Variants in TTC7A observed in about 807,000 individuals in gnomAD.
TTC7A encodes the protein tetratricopeptide repeat protein 7A.
A neutral mutation model predicts 103.7 loss-of-function variants in TTC7A; 110 were observed. The ratio of observed to expected loss-of-function variants is 1.06; its 90% confidence interval spans 0.91 to 1.24. TTC7A has a LOEUF of 1.24. TTC7A is among the 50% of genes most tolerant of loss of function. The probability of loss-of-function intolerance (pLI) is 0.00; values close to 1 mark genes in which losing one functional copy is unlikely to be tolerated. For missense variants in TTC7A, 1,340 were observed against 1,116.3 expected (o/e 1.20, Z -2.86); for synonymous variants, 521 against 467.9 (o/e 1.11, Z -1.47).
At chr2:47,038,024 G>A (rs1681302041) in intron 15 of TTC7A, among the ~76,000 whole-genome samples, 2 of 152,108 alleles carry the variant, frequency 1.3e-5, no homozygotes, top group African/African-American at 4.8e-5. Flanking sequence ...GCCGAGGCGG[G>A]CGGATCATTT....
chr2:47,075,815 G>A lies in TTC7A; in HGVS notation c.*1892G>A, dbSNP rs1481068756. ...GGAGAGGGTAGGAGGAGGCAAGAGGGGTCCAGGCAGGGCTGATCCTGGCCT... is the reference window on the plus strand; with the variant it reads ...GGAGAGGGTAGGAGGAGGCAAGAGGAGTCCAGGCAGGGCTGATCCTGGCCT... On this transcript the variant is annotated 3_prime_UTR_variant, in exon 20 of 20. Coordinates refer to ENST00000319190, the MANE Select transcript of TTC7A (RefSeq NM_020458.4). The A allele has an allele frequency of 6.6e-6, 1 of 152,414 alleles. No individual in the cohort carries two copies. The highest frequency in any genetic ancestry group is 2.4e-5 in the African/African-American group (1 of 41,440). The allele number at this position is 152,414 out of a possible 1,614,324, so 9.4% of individuals were successfully genotyped here. A position where few individuals can be genotyped will look rare whatever the true frequency, so the allele number is the denominator to read the frequency against.
rs1255486519 is a variant in TTC7A, at chr2:47,007,076, T to A, written c.1287+352T>A. The stretch of plus-strand genomic sequence containing the variant: ...TGAGTGAACATTGTTCCACGTGGGC[T>A]GTAGTTCTCATCCTGTCCACTGAGC... On this transcript the variant is annotated intron_variant, in intron 10 of 19. Coordinates refer to ENST00000319190, the MANE Select transcript of TTC7A (RefSeq NM_020458.4). The surrounding 1 kb of genome is among the most constrained non-coding windows in gnomAD (Gnocchi z 4.9). Among the ~76,000 whole-genome samples, 2 of 152,178 alleles carry A rather than the reference T, an allele frequency of 1.3e-5. No homozygotes were observed. Among genetic ancestry groups the A allele is most frequent in the Non-Finnish European group, 2.9e-5 (2 of 68,018 alleles).
Position 46,995,189 on chromosome 2 carries a change from G to A in TTC7A, c.1055G>A (p.Ser352Asn). 1 of 1,614,134 alleles carries A rather than the reference G, an allele frequency of 6.2e-7. No individual in the cohort carries two copies. The highest frequency in any genetic ancestry group is 8.5e-7 in the Non-Finnish European group (1 of 1,180,008). ...IEEALLLLLI[S>N]ESMATRDVVL... is the part of the protein sequence containing the mutation. ...GAAGCCCTCCTGCTCCTCCTCATCAGCGAATCCATGGTAAGCTCCAGGATG... is the reference window on the plus strand; with the variant it reads ...GAAGCCCTCCTGCTCCTCCTCATCAACGAATCCATGGTAAGCTCCAGGATG... Residue 352 changes from serine to asparagine, a missense_variant, in exon 8 of 20, where the codon AGC becomes AAC. Coordinates refer to ENST00000319190, the MANE Select transcript of TTC7A (RefSeq NM_020458.4).
At chr2:47,034,460 A>G (rs758597810) in intron 15 of TTC7A, 1 of 152,202 alleles carries the variant, frequency 6.6e-6, no homozygotes, top group Non-Finnish European at 1.5e-5. Flanking sequence ...GGAATGGGCC[A>G]CTGATAAGCG....
chr2:47,072,425 C>T (rs1282192180), intron 19 of TTC7A, among the ~76,000 whole-genome samples: 2 of 152,218 alleles, frequency 1.3e-5, no homozygotes, highest in Admixed American at 1.3e-4. Context: ...TTCCTGAGCG[C>T]CATCTTTCAC....
intron 2 of TTC7A, among the ~76,000 whole-genome samples, chr2:46,952,304 G>A (rs952275575): frequency 6.6e-6 from 1 of 151,442 alleles, no homozygotes; most frequent in African/African-American, 2.4e-5. Context: ...CAGATTGGTG[G>A]GGTTCAAGCT....
intron 16 of TTC7A, chr2:47,047,254 G>T: frequency 6.5e-7 from 1 of 1,528,734 alleles, no homozygotes; most frequent in Non-Finnish European, 8.9e-7. Flanking sequence ...GTGTATATTT[G>T]TGTTTTCACA....
chr2:47,010,778 C>A (rs1677960111), intron 10 of TTC7A, among the ~76,000 whole-genome samples: 1 of 152,206 alleles, frequency 6.6e-6, no homozygotes, highest in Admixed American at 6.5e-5. Context: ...CGGCTCACTG[C>A]AACTTCCACC....
intron 19 of TTC7A, chr2:47,068,747 C>T (rs990194066): frequency 1.3e-5 from 2 of 151,120 alleles, no homozygotes; most frequent in African/African-American, 4.9e-5. Flanking sequence ...AAACCTTAAG[C>T]TGATATAGGC....
intron 2 of TTC7A, chr2:46,917,360 T>G (rs1348372574): frequency 5.0e-6 from 3 of 595,578 alleles, no homozygotes; most frequent in Non-Finnish European, 8.9e-6. Flanking sequence ...TTCCTTACTC[T>G]GAACTTTGGA....
chr2:47,020,407 T>G (rs951562569), intron 11 of TTC7A, among the ~76,000 whole-genome samples: 2 of 152,328 alleles, frequency 1.3e-5, no homozygotes, highest in Non-Finnish European at 2.9e-5. Context: ...GAGGCTGAGC[T>G]GTAGACAGCT....
intron 2 of TTC7A, among the ~76,000 whole-genome samples, chr2:46,917,550 G>C (rs1668876125): frequency 6.6e-6 from 1 of 152,204 alleles, no homozygotes; most frequent in Non-Finnish European, 1.5e-5. Context: ...GAAGTGTCAA[G>C]AAGCTGGTGT....
chr2:47,059,074 C>T (rs1182707962), intron 18 of TTC7A, among the ~76,000 whole-genome samples: 2 of 131,098 alleles, frequency 1.5e-5, no homozygotes, highest in Non-Finnish European at 3.1e-5. Flanking sequence ...CAGGCTGGAG[C>T]ACAGTGGCGC....
intron 17 of TTC7A, 50 bp from the exon 18 acceptor site, chr2:47,051,696 A>G (rs1338831281): frequency 3.8e-6 from 6 of 1,558,452 alleles, no homozygotes; most frequent in East Asian, 2.3e-5. Context: ...TGGGGCCTGC[A>G]ACGTGTGGAC....
intron 17 of TTC7A, among the ~76,000 whole-genome samples, chr2:47,051,317 C>A (rs1682837348): frequency 6.6e-6 from 1 of 152,188 alleles, no homozygotes; most frequent in South Asian, 2.1e-4. Flanking sequence ...TTTCACCTAA[C>A]TATATAGTGC....
At chr2:46,974,748 G>T (rs1673688139) in intron 3 of TTC7A, 2 of 619,882 alleles carry the variant, frequency 3.2e-6, no homozygotes, top group Admixed American at 4.4e-5. Flanking sequence ...GTTGGGCTGG[G>T]GTGATGCACT....
At chr2:46,922,740 C>A (rs1200513358) in intron 2 of TTC7A, among the ~76,000 whole-genome samples, 3 of 151,836 alleles carry the variant, frequency 2.0e-5, no homozygotes, top group Non-Finnish European at 2.9e-5. Flanking sequence ...TGGGGAGGGG[C>A]GGGGGGCTCT....
At chr2:46,969,767 A>C (rs533779091) in intron 3 of TTC7A, among the ~76,000 whole-genome samples, 4 of 152,188 alleles carry the variant, frequency 2.6e-5, no homozygotes, top group African/African-American at 9.6e-5. Flanking sequence ...ACACTTGGCT[A>C]CGTGAATATG....
intron 11 of TTC7A, among the ~76,000 whole-genome samples, chr2:47,012,826 T>G (rs1014996066): frequency 1.3e-5 from 2 of 152,196 alleles, no homozygotes; most frequent in African/African-American, 4.8e-5. Context: ...CACCTGGTTC[T>G]CAGATCCCTG....
Sources: gnomAD v4.1 joint callset for allele counts (sites outside exome capture counted in the v4.1 genomes callset) on GRCh38, gnomAD v4.1.1 for gene constraint, Gnocchi (gnomAD v3.1) non-coding constraint, MANE v1.5 for transcripts, NCBI Gene and HGNC (gene_info 2026-07-23, HGNC 2026-07-21) for gene names.